The following NXPH4 variants were observed in gnomAD, a reference collection of about 807,000 sequenced individuals.
NXPH4 encodes the protein neurexophilin-4.
Under a neutral mutation model 21.3 loss-of-function variants are expected in NXPH4, and 8 were observed. The observed-to-expected ratio is 0.38, with a 90% CI of 0.22 to 0.68. NXPH4 has a LOEUF of 0.68. Ranked by LOEUF, NXPH4 falls within the 30% of genes least tolerant of loss-of-function variation. The pLI, the probability that NXPH4 is intolerant of heterozygous loss-of-function variation, is 0.53. For synonymous variants in NXPH4, 219 were observed against 192.6 expected (o/e 1.14, Z -1.13); for missense variants, 418 against 416.8 (o/e 1.00, Z -0.03).
rs2037041959 is a variant in NXPH4, at chr12:57,216,831, GCGCCGC to G, written c.-135_-130del. 1 of 225,594 alleles carries G rather than the reference GCGCCGC, an allele frequency of 4.4e-6. No individual in the cohort carries two copies. Among genetic ancestry groups the G allele is most frequent in the African/African-American group, 5.2e-5 (1 of 19,232 alleles). The allele number at this position is 225,594 out of a possible 1,614,324, so 14.0% of individuals were successfully genotyped here. ...GCGCCTCGCGCCCAGTCCGCGGGCC[GCGCCGC>G]CGCTCCCGCCGCTCCCGCCGCTCCC... On this transcript the variant is annotated 5_prime_UTR_variant, in exon 1 of 2. Transcript: ENST00000349394. This position sits in a 1 kb window ranked among gnomAD's most constrained non-coding sequence, Gnocchi z 5.3.
chr12:57,217,040 G>T lies in NXPH4; in HGVS notation c.57+14G>T. The T allele has an allele frequency of 6.3e-7, 1 of 1,594,474 alleles. No individual in the cohort carries two copies. Among genetic ancestry groups the T allele is most frequent in the East Asian group, 2.3e-5 (1 of 43,994 alleles). On this transcript the variant is annotated intron_variant, in intron 1 of 1. Coordinates refer to ENST00000349394, the MANE Select transcript of NXPH4 (RefSeq NM_007224.4). ...CTCCTTAGGAAGGTAAGAGTGGCAG[G>T]GCTGGGGCGCTAGCGCGGGCGCGGG...
intron 1 of NXPH4, among the ~76,000 whole-genome samples, chr12:57,222,967 G>C (rs745322495): frequency 3.3e-5 from 5 of 152,168 alleles, no homozygotes; most frequent in Non-Finnish European, 1.5e-5. Context: ...TGGCTCTGCT[G>C]TTCCTGTCCC....
intron 1 of NXPH4, among the ~76,000 whole-genome samples, chr12:57,220,775 A>C (rs2037083766): frequency 6.7e-6 from 1 of 149,466 alleles, no homozygotes; most frequent in Non-Finnish European, 1.5e-5. Flanking sequence ...CTTGTCCCCC[A>C]TTTCCCATTC....
rs1423935033 is a variant in NXPH4 at position 57,225,091 on chromosome 12, A to C, written c.271A>C (p.Thr91Pro). Residue 91 changes from threonine (T) to proline (P), a missense_variant, in exon 2 of 2, where the codon ACC (threonine) becomes CCC (proline). Transcript: ENST00000349394. ...AGCCGGGGCGTTGCCCGCGCAGCGC[A>C]CCAAGAGGAAGCCGTCCATCAAGGC... ...GAAGALPAQR[T>P]KRKPSIKAAR... The C allele has an allele frequency of 1.3e-6, 2 of 1,489,576 alleles. No homozygotes were observed. Among genetic ancestry groups the C allele is most frequent in the East Asian group, 4.9e-5 (2 of 40,550 alleles). 92.3% of individuals were successfully genotyped at this position (1,489,576 alleles called of 1,614,324 possible).
chr12:57,220,286 T>C (rs1261301247), intron 1 of NXPH4, among the ~76,000 whole-genome samples: 2 of 151,996 alleles, frequency 1.3e-5, no homozygotes, highest in Non-Finnish European at 2.9e-5. Flanking sequence ...CCCCTCCGGC[T>C]CCGGCTTCGG....
Position 57,226,043 on chromosome 12 carries a change from GGTC to G in NXPH4, c.*297_*299del. On this transcript the variant is annotated 3_prime_UTR_variant, in exon 2 of 2. Transcript: ENST00000349394. The stretch of plus-strand genomic sequence containing the variant: ...CCCAATGTCCCCTGGGTCCACAGTG[GGTC>G]CCCTTTTCACCCTTGGCGCTAGGCT... 1.2e-6 allele frequency: 1 copy of G among 862,390 alleles called. No individual in the cohort carries two copies. Among genetic ancestry groups the G allele is most frequent in the South Asian group, 2.4e-5 (1 of 40,848 alleles). The allele number at this position is 862,390 out of a possible 1,614,324, so 53.4% of individuals were successfully genotyped here. A position where few individuals can be genotyped will look rare whatever the true frequency, so the allele number is the denominator to read the frequency against.
Position 57,226,233 on chromosome 12 carries a change from A to G in NXPH4, c.*486A>G. On this transcript the variant is annotated 3_prime_UTR_variant, in exon 2 of 2. Transcript: ENST00000349394. Reference sequence around the variant, plus strand: ...GTCCTCCCACCATTCTGCCTGCCATATGCCTGTCCCCTTTTCCTCCAAACC... The same window carrying G: ...GTCCTCCCACCATTCTGCCTGCCATGTGCCTGTCCCCTTTTCCTCCAAACC... 1 of 367,600 alleles carries G rather than the reference A, an allele frequency of 2.7e-6. No homozygotes were observed. The highest frequency in any genetic ancestry group is 4.0e-5 in the East Asian group (1 of 25,116). 22.8% of individuals were successfully genotyped at this position (367,600 alleles called of 1,614,324 possible). A position where few individuals can be genotyped will look rare whatever the true frequency, so the allele number is the denominator to read the frequency against.
Position 57,226,294 on chromosome 12 carries a change from G to C in NXPH4, c.*547G>C, listed in dbSNP as rs1193229082. ...ACCGGAAGCAGAACCCCTGGGCTGA[G>C]GCCCTGGCCCTGCCCCCGGCCCCTG... On this transcript the variant is annotated 3_prime_UTR_variant, in exon 2 of 2. Coordinates refer to ENST00000349394, the MANE Select transcript of NXPH4 (RefSeq NM_007224.4). 2 of 260,136 alleles carry C rather than the reference G, an allele frequency of 7.7e-6. No homozygotes were observed. Among genetic ancestry groups the C allele is most frequent in the African/African-American group, 2.2e-5 (1 of 45,350 alleles). The allele number at this position is 260,136 out of a possible 1,614,324, so 16.1% of individuals were successfully genotyped here. A position where few individuals can be genotyped will look rare whatever the true frequency, so the allele number is the denominator to read the frequency against.
Position 57,225,366 on chromosome 12 carries a change from G to A in NXPH4, c.546G>A (p.Leu182=), listed in dbSNP as rs2037132669. Residue 182 remains leucine, a synonymous_variant, in exon 2 of 2, where the codon CTG becomes CTA. Coordinates refer to ENST00000349394, the MANE Select transcript of NXPH4 (RefSeq NM_007224.4). ...VPHPLQSTLA[L]EGVLPGLGPP... ...ACCCTCTGCAGTCTACGCTCGCCCT[G>A]GAGGGGGTGCTTCCTGGGCTGGGGC... The A allele has an allele frequency of 6.3e-7, 1 of 1,588,842 alleles. No homozygotes were observed. Among genetic ancestry groups the A allele is most frequent in the African/African-American group, 1.3e-5 (1 of 74,590 alleles).
rs1565764595 is a variant in NXPH4 at position 57,225,461 on chromosome 12, G to C, written c.641G>C (p.Gly214Ala). The change falls in exon 2 of 2, where the codon GGG (glycine) becomes GCG (alanine). Residue 214 changes from glycine to alanine, a missense_variant. Transcript: ENST00000349394. ...LGGSLGGALA[G>A]PLGGALGVPG... ...GGCTCCCTCGGGGGCGCACTGGCGG[G>C]GCCGCTTGGGGGCGCGTTGGGAGTG... 1 of 1,599,560 alleles carries C rather than the reference G, an allele frequency of 6.3e-7. No individual in the cohort carries two copies.
intron 1 of NXPH4, chr12:57,221,647 A>C (rs2136769533): frequency 1.9e-5 from 5 of 262,882 alleles, no homozygotes; most frequent in East Asian, 2.1e-4. Context: ...GCTGCCGCGC[A>C]CCTCCGCCCC....
chr12:57,217,098 G>A, intron 1 of NXPH4, 72 bp downstream of exon 1: 2 of 1,308,466 alleles, frequency 1.5e-6, no homozygotes, highest in South Asian at 1.3e-5. Flanking sequence ...GTGTGCGAGG[G>A]GCTCCGTGCG....
chr12:57,218,986 TGA>T (rs2037064913), intron 1 of NXPH4, among the ~76,000 whole-genome samples: 1 of 37,500 alleles, frequency 2.7e-5, no homozygotes, highest in Non-Finnish European at 1.2e-4. Flanking sequence ...TGTGTGCTTG[TGA>T]TTGTGAGTGC....
At chr12:57,222,608 A>G (rs2037102360) in intron 1 of NXPH4, among the ~76,000 whole-genome samples, 2 of 151,854 alleles carry the variant, frequency 1.3e-5, no homozygotes. Flanking sequence ...CAGCTTTCCC[A>G]GGAAACCTAA....
At position 57,224,997 on chromosome 12, in the gene NXPH4, A is replaced by G; in HGVS notation, c.177A>G (p.Leu59=). 6.7e-7 allele frequency: 1 copy of G among 1,496,062 alleles called. No homozygotes were observed. Among genetic ancestry groups the G allele is most frequent in the South Asian group, 1.3e-5 (1 of 79,148 alleles). 92.7% of individuals were successfully genotyped at this position (1,496,062 alleles called of 1,614,324 possible). The change falls in exon 2 of 2, where the codon CTA becomes CTG. Residue 59 remains leucine (L), a synonymous_variant. Coordinates refer to ENST00000349394, the MANE Select transcript of NXPH4 (RefSeq NM_007224.4). ...QLPEPRSSDG[L]GVGRAWSWAW... ...CAGAGCCAAGGTCTTCGGACGGCCT[A>G]GGCGTGGGCCGCGCCTGGAGCTGGG...
rs1024553020 is a variant in NXPH4 at position 57,225,367 on chromosome 12, G to A, written c.547G>A (p.Glu183Lys). The stretch of plus-strand genomic sequence containing the variant: ...CCCTCTGCAGTCTACGCTCGCCCTG[G>A]AGGGGGTGCTTCCTGGGCTGGGGCC... ...PHPLQSTLAL[E>K]GVLPGLGPPL... Residue 183 changes from glutamate to lysine, a missense_variant, in exon 2 of 2, where the codon GAG becomes AAG. Transcript: ENST00000349394. 1 of 1,589,126 alleles carries A rather than the reference G, an allele frequency of 6.3e-7. No homozygotes were observed. Among genetic ancestry groups the A allele is most frequent in the African/African-American group, 1.3e-5 (1 of 74,606 alleles).
Position 57,225,114 on chromosome 12 carries a change from G to A in NXPH4, c.294G>A (p.Lys98=), listed in dbSNP as rs1201492826. 1.3e-6 allele frequency: 2 copies of A among 1,522,658 alleles called. No homozygotes were observed. Among genetic ancestry groups the A allele is most frequent in the Non-Finnish European group, 1.8e-6 (2 of 1,133,556 alleles). The allele number at this position is 1,522,658 out of a possible 1,614,324, so 94.3% of individuals were successfully genotyped here. The change falls in exon 2 of 2, where the codon AAG becomes AAA. Residue 98 remains lysine (K), a synonymous_variant. Coordinates refer to ENST00000349394, the MANE Select transcript of NXPH4 (RefSeq NM_007224.4). ...AQRTKRKPSI[K]AARAKKIFGW... Reference sequence around the variant, plus strand: ...GCACCAAGAGGAAGCCGTCCATCAAGGCGGCGCGCGCCAAAAAGATCTTCG... The same window carrying A: ...GCACCAAGAGGAAGCCGTCCATCAAAGCGGCGCGCGCCAAAAAGATCTTCG...
intron 1 of NXPH4, among the ~76,000 whole-genome samples, chr12:57,223,303 C>T (rs766653631): frequency 6.6e-6 from 1 of 152,060 alleles, no homozygotes; most frequent in Non-Finnish European, 1.5e-5. Flanking sequence ...ATATAGCCAA[C>T]CCAGACACGT....
intron 1 of NXPH4, among the ~76,000 whole-genome samples, chr12:57,222,255 G>A (rs1442608539): frequency 6.6e-6 from 1 of 152,200 alleles, no homozygotes; most frequent in African/African-American, 2.4e-5. Context: ...CAGGGGATTC[G>A]CCAGGATCAG....
Sources: gnomAD v4.1 joint callset for allele counts (sites outside exome capture counted in the v4.1 genomes callset) on GRCh38, gnomAD v4.1.1 for gene constraint, Gnocchi (gnomAD v3.1) non-coding constraint, MANE v1.5 for transcripts, NCBI Gene and HGNC (gene_info 2026-07-23, HGNC 2026-07-21) for gene names.